The following EFL1 variants were observed in gnomAD, a reference collection of about 807,000 sequenced individuals.
EFL1 encodes elongation factor like GTPase 1.
Under a neutral mutation model 126.7 loss-of-function variants are expected in EFL1, and 76 were observed. The observed-to-expected ratio is 0.60, with a 90% confidence interval of 0.50 to 0.73. The LOEUF (loss-of-function observed/expected upper bound fraction) is 0.73, where lower values mean the gene tolerates loss of function less well. Ranked by LOEUF, EFL1 falls within the 30% of genes least tolerant of loss-of-function variation. EFL1 has a pLI of 0.00. For synonymous variants in EFL1, 410 were observed against 448.4 expected (o/e 0.91, Z 1.08); for missense variants, 1,128 against 1,343.2 (o/e 0.84, Z 2.50).
intron 7 of EFL1, among the ~76,000 whole-genome samples, chr15:82,234,021 A>G (rs1336365099): frequency 2.6e-5 from 4 of 152,220 alleles, no homozygotes; most frequent in African/African-American, 7.2e-5. Context: ...ACAGGGGAAC[A>G]TTCATTTATT....
At chr15:82,228,886 C>T in intron 9 of EFL1, 148 bp downstream of exon 9, 2 of 649,466 alleles carry the variant, frequency 3.1e-6, no homozygotes, top group Non-Finnish European at 5.2e-6. Context: ...CTTTAAATTG[C>T]TTCCAAGCCC....
In EFL1 at chr15:82,207,288, A is replaced by G. The variant is rs765150785; in HGVS notation, c.1750+7429T>C. On this transcript the variant is annotated intron_variant, in intron 15 of 19. Transcript: ENST00000268206. ...CATATATATATATTTATGTGTGTGT[A>G]TATATATATATATATATATACACAC... Among the ~76,000 whole-genome samples, 548 of 123,656 alleles carry G rather than the reference A, an allele frequency of 4.4e-3. 1 individual carries two copies. The highest frequency in any genetic ancestry group is 6.5e-3 in the Non-Finnish European group (374 of 57,216). 81.1% of individuals were successfully genotyped at this position (123,656 alleles called of 152,430 possible). A position where few individuals can be genotyped will look rare whatever the true frequency, so the allele number is the denominator to read the frequency against.
At chr15:82,165,693 G>T (rs2074072340) in intron 15 of EFL1, among the ~76,000 whole-genome samples, 1 of 152,120 alleles carries the variant, frequency 6.6e-6, no homozygotes, top group African/African-American at 2.4e-5. Flanking sequence ...ACCTCCAAAG[G>T]TTCACAGAAA....
chr15:82,232,963 TTATAA>T (rs1415821416), intron 7 of EFL1, among the ~76,000 whole-genome samples: 2 of 152,160 alleles, frequency 1.3e-5, no homozygotes, highest in Non-Finnish European at 2.9e-5. Context: ...ATTTTATCTT[TTATAA>T]TATGTCAGAT....
intron 15 of EFL1, among the ~76,000 whole-genome samples, chr15:82,168,533 C>T (rs1036088545): frequency 6.6e-6 from 1 of 152,154 alleles, no homozygotes; most frequent in Admixed American, 6.5e-5. Context: ...GTTTTTGAGA[C>T]GGAATCTCGC....
chr15:82,234,791 A>T (rs550003956), intron 7 of EFL1, among the ~76,000 whole-genome samples: 10 of 152,134 alleles, frequency 6.6e-5, no homozygotes, highest in Non-Finnish European at 1.5e-4. Flanking sequence ...TAGTTCTATG[A>T]TCCCTGCAAA....
intron 15 of EFL1, among the ~76,000 whole-genome samples, chr15:82,166,411 G>C (rs1422428915): frequency 6.6e-6 from 1 of 152,118 alleles, no homozygotes; most frequent in East Asian, 1.9e-4. Context: ...GCTAAGATTA[G>C]AATTTATGGA....
In EFL1 at chr15:82,157,773, T is replaced by C; in HGVS notation, c.1970A>G (p.His657Arg). The change falls in exon 17 of 20, where the codon CAC becomes CGC. Residue 657 changes from histidine (H) to arginine (R), a missense_variant. By Grantham distance (29) the His-to-Arg change is conservative (BLOSUM62 0). Coordinates refer to ENST00000268206, the MANE Select transcript of EFL1 (RefSeq NM_024580.6). Reference protein sequence around the residue: ...VQILIQETGEHVLVTAGEVHL... With the variant: ...VQILIQETGERVLVTAGEVHL... Reference sequence around the variant, plus strand: ...GACTTCTCCTGCTGTGACTAAAACGTGCTCTCCCGTTTCCTGAATTAAAAT... The same window carrying C: ...GACTTCTCCTGCTGTGACTAAAACGCGCTCTCCCGTTTCCTGAATTAAAAT... 1.2e-6 allele frequency: 2 copies of C among 1,614,162 alleles called. No homozygotes were observed. Among genetic ancestry groups the C allele is most frequent in the Non-Finnish European group, 1.7e-6 (2 of 1,180,004 alleles).
chr15:82,164,896 C>CAAAAAA, intron 15 of EFL1, among the ~76,000 whole-genome samples: 1 of 91,618 alleles, frequency 1.1e-5, no homozygotes, highest in Non-Finnish European at 2.2e-5. Context: ...GATTCCACCT[C>CAAAAAA]AAAAAAAAAA....
chr15:82,221,863 G>A (rs935201119), intron 12 of EFL1, among the ~76,000 whole-genome samples: 8 of 152,240 alleles, frequency 5.3e-5, no homozygotes, highest in Admixed American at 1.3e-4. Flanking sequence ...TCTCTCCTCC[G>A]GAGCAACATC....
intron 15 of EFL1, among the ~76,000 whole-genome samples, chr15:82,174,823 T>C (rs1360657717): frequency 1.3e-5 from 2 of 152,212 alleles, no homozygotes; most frequent in Non-Finnish European, 2.9e-5. Flanking sequence ...CCTGTGTCCT[T>C]TACCATTTGC....
chr15:82,155,389 C>A lies in EFL1; in HGVS notation c.2030+2324G>T, dbSNP rs537108423. The stretch of plus-strand genomic sequence containing the variant: ...TGGTGGCGTGCACCTGTAGTCCCAG[C>A]TACTCAGGAGGCCGAGGCAGGAGAA... On this transcript the variant is annotated intron_variant, in intron 17 of 19. Coordinates refer to ENST00000268206, the MANE Select transcript of EFL1 (RefSeq NM_024580.6). Among the ~76,000 whole-genome samples the A allele has an allele frequency of 6.5e-4, 99 of 152,210 alleles. 2 individuals carry two copies. In the South Asian group the frequency reaches 8.1e-3, roughly 12 times the overall value.
Position 82,219,691 on chromosome 15 carries a change from G to A in EFL1, c.1572C>T (p.Val524=), listed in dbSNP as rs1299853284. 1.9e-6 allele frequency: 3 copies of A among 1,613,420 alleles called. No homozygotes were observed. Among genetic ancestry groups the A allele is most frequent in the Non-Finnish European group, 1.7e-6 (2 of 1,179,796 alleles). The change falls in exon 14 of 20, where the codon GTC becomes GTT. Residue 524 remains valine, a synonymous_variant. Coordinates refer to ENST00000268206, the MANE Select transcript of EFL1 (RefSeq NM_024580.6). Reference sequence around the variant, plus strand: ...CAAGAGGACTGTATTTGGGCCCCAAGACAAAAATTTTCTTTCCTCTTCGAG... The same window carrying A: ...CAAGAGGACTGTATTTGGGCCCCAAAACAAAAATTTTCTTTCCTCTTCGAG... ...GVARRGKKIF[V]LGPKYSPLEF... is the part of the protein sequence containing the mutation.
intron 7 of EFL1, among the ~76,000 whole-genome samples, chr15:82,237,557 G>A (rs527462422): frequency 6.6e-6 from 1 of 152,328 alleles, no homozygotes; most frequent in Non-Finnish European, 1.5e-5. Flanking sequence ...TGCACTGCTG[G>A]TGAGAATATA....
Position 82,259,298 on chromosome 15 carries a change from A to G in EFL1, c.92-143T>C, listed in dbSNP as rs1379903275. 17 of 714,712 alleles carry G rather than the reference A, an allele frequency of 2.4e-5. No individual in the cohort carries two copies. The East Asian group carries it at 4.1e-4, about 17-fold the overall frequency. The allele number at this position is 714,712 out of a possible 1,614,324, so 44.3% of individuals were successfully genotyped here. On this transcript the variant is annotated intron_variant, in intron 2 of 19. Transcript: ENST00000268206. Reference sequence around the variant, plus strand: ...CTATGCTAGGTGACAAAAGAGATTTATTAGACTTTTGAACAGAATATCATC... The same window carrying G: ...CTATGCTAGGTGACAAAAGAGATTTGTTAGACTTTTGAACAGAATATCATC...
chr15:82,258,483 C>T (rs535962835), intron 3 of EFL1, among the ~76,000 whole-genome samples: 1 of 152,062 alleles, frequency 6.6e-6, no homozygotes, highest in Non-Finnish European at 1.5e-5. Context: ...CCCAACAGGG[C>T]GAGGTTGCAG....
chr15:82,138,943 T>C (rs1341239678), intron 18 of EFL1, 101 bp from the exon 19 acceptor site: 9 of 1,102,746 alleles, frequency 8.2e-6, no homozygotes, highest in Non-Finnish European at 1.1e-5. Context: ...CATAAATGAT[T>C]AAATTTGTTC....
rs1392975 is a variant in EFL1, at chr15:82,171,882, C to T, written c.1751-7898G>A. Among the ~76,000 whole-genome samples, 191 of 150,062 alleles carry T rather than the reference C, an allele frequency of 1.3e-3. 1 individual carries two copies. The highest frequency in any genetic ancestry group is 1.3e-3 in the African/African-American group (55 of 40,960). ...AAATAAAAGTTAAAATTTATATATA[C>T]ACACACACACACACACCCTGTAAAG... On this transcript the variant is annotated intron_variant, in intron 15 of 19. Transcript: ENST00000268206.
intron 19 of EFL1, among the ~76,000 whole-genome samples, chr15:82,134,128 T>C (rs1190896303): frequency 6.6e-6 from 1 of 152,232 alleles, no homozygotes; most frequent in Non-Finnish European, 1.5e-5. Flanking sequence ...CATATGACTG[T>C]ATGAAGACAT....
Sources: allele counts gnomAD v4.1 joint callset (sites outside exome capture counted in the v4.1 genomes callset), GRCh38; gene constraint gnomAD v4.1.1; transcripts MANE v1.5; gene names NCBI Gene and HGNC (gene_info 2026-07-23, HGNC 2026-07-21).